The following STAG1 variants were observed in gnomAD, a reference collection of about 807,000 sequenced individuals.
The protein encoded by STAG1 is STAG1 cohesin complex component, also known as cohesin subunit SA-1.
In STAG1, 26 loss-of-function variants were observed where a neutral mutation model predicts 170.9. That is an observed-to-expected ratio of 0.15 (90% CI 0.11 to 0.21). STAG1 has a LOEUF of 0.21. Among genes scored for constraint, STAG1 ranks in the 10% least tolerant of loss-of-function variants. STAG1 has a pLI of 1.00. For synonymous variants in STAG1, 514 were observed against 497.7 expected (o/e 1.03, Z -0.44); for missense variants, 964 against 1,509.5 (o/e 0.64, Z 5.99).
chr3:136,619,512 C>T (rs1292311248), intron 3 of STAG1, among the ~76,000 whole-genome samples: 1 of 151,844 alleles, frequency 6.6e-6, no homozygotes, highest in African/African-American at 2.4e-5. Flanking sequence ...AATCCCAATA[C>T]TTTGTGAGGC....
intron 22 of STAG1, among the ~76,000 whole-genome samples, chr3:136,389,377 T>C (rs949308226): frequency 6.6e-6 from 1 of 152,156 alleles, no homozygotes; most frequent in Non-Finnish European, 1.5e-5. Context: ...TGGTGTGATC[T>C]CCGCCTCCCA....
intron 21 of STAG1, among the ~76,000 whole-genome samples, chr3:136,404,920 GAC>G (rs1183177879): frequency 6.6e-6 from 1 of 151,576 alleles, no homozygotes; most frequent in Non-Finnish European, 1.5e-5. Flanking sequence ...ACACCTATAG[GAC>G]ATGTTTAAAA....
chr3:136,675,938 T>C (rs771993698), intron 1 of STAG1, among the ~76,000 whole-genome samples: 1 of 152,226 alleles, frequency 6.6e-6, no homozygotes, highest in Non-Finnish European at 1.5e-5. Context: ...GTGCAAACAT[T>C]GTAGAATGTA....
chr3:136,348,877 T>G, intron 29 of STAG1: 2 of 412,596 alleles, frequency 4.8e-6, no homozygotes, highest in Non-Finnish European at 8.9e-6. Flanking sequence ...TTTAATGTAT[T>G]AGAGGCATAT....
At chr3:136,717,117 T>C (rs13063490) in intron 1 of STAG1, among the ~76,000 whole-genome samples, 68 of 152,378 alleles carry the variant, frequency 4.5e-4, no homozygotes, top group Middle Eastern at 6.8e-3. Context: ...AAATGCATAC[T>C]GCATAAAACC....
chr3:136,549,435 T>C (rs1054058801), intron 5 of STAG1, among the ~76,000 whole-genome samples: 10 of 151,892 alleles, frequency 6.6e-5, no homozygotes, highest in African/African-American at 2.4e-4. Flanking sequence ...CTCAGCCTCC[T>C]GAGTAGCTGG....
chr3:136,655,288 A>G (rs897387366), intron 1 of STAG1, among the ~76,000 whole-genome samples: 1 of 152,218 alleles, frequency 6.6e-6, no homozygotes, highest in African/African-American at 2.4e-5. Flanking sequence ...TCAACAACAT[A>G]AAAACAAATA....
chr3:136,748,005 G>A (rs111455207), intron 1 of STAG1, among the ~76,000 whole-genome samples: 6 of 151,602 alleles, frequency 4.0e-5, no homozygotes, highest in African/African-American at 1.2e-4. Flanking sequence ...TCGATCTCCT[G>A]ACCTCGTGAT....
chr3:136,370,756 A>G (rs1436270992), intron 23 of STAG1, among the ~76,000 whole-genome samples: 1 of 152,136 alleles, frequency 6.6e-6, no homozygotes, highest in East Asian at 1.9e-4. Flanking sequence ...AATCTGGTCT[A>G]TCATTGTTGG....
At chr3:136,568,967 G>A (rs536914641) in intron 4 of STAG1, 106 bp from the exon 5 acceptor site, 1 of 714,728 alleles carries the variant, frequency 1.4e-6, no homozygotes, top group East Asian at 2.8e-5. Flanking sequence ...ATCTGAACGA[G>A]AAAATTACTT....
intron 1 of STAG1, among the ~76,000 whole-genome samples, chr3:136,664,537 C>T (rs1474836619): frequency 6.6e-6 from 1 of 152,206 alleles, no homozygotes; most frequent in Non-Finnish European, 1.5e-5. Context: ...CTCAACCTTT[C>T]TTCCTATTAC....
chr3:136,645,408 T>C (rs111515952), intron 1 of STAG1, among the ~76,000 whole-genome samples: 10 of 152,278 alleles, frequency 6.6e-5, no homozygotes, highest in African/African-American at 1.7e-4. Flanking sequence ...GTAAGTTTCA[T>C]TGACTTCAGC....
chr3:136,448,487 G>A (rs370873571), intron 14 of STAG1, among the ~76,000 whole-genome samples: 1 of 152,156 alleles, frequency 6.6e-6, no homozygotes, highest in Non-Finnish European at 1.5e-5. Context: ...ATCAGATCTC[G>A]TGAGACTTAC....
intron 9 of STAG1, among the ~76,000 whole-genome samples, chr3:136,498,438 T>C (rs1471605618): frequency 6.7e-6 from 1 of 150,354 alleles, no homozygotes; most frequent in East Asian, 2.0e-4. Flanking sequence ...TCTATAAAAT[T>C]CTAGAAAATG....
At chr3:136,541,016 C>G (rs957409390) in intron 6 of STAG1, among the ~76,000 whole-genome samples, 2 of 151,794 alleles carry the variant, frequency 1.3e-5, no homozygotes, top group Non-Finnish European at 2.9e-5. Flanking sequence ...TAATTCTTGG[C>G]TTTCTGTTAA....
intron 2 of STAG1, among the ~76,000 whole-genome samples, chr3:136,624,302 G>A (rs933842154): frequency 3.3e-5 from 5 of 151,858 alleles, no homozygotes; most frequent in Admixed American, 6.6e-5. Context: ...GGGTTTCACC[G>A]TGTTAGCCAG....
At chr3:136,419,851 G>A (rs2087897897) in intron 20 of STAG1, among the ~76,000 whole-genome samples, 1 of 151,974 alleles carries the variant, frequency 6.6e-6, no homozygotes, top group East Asian at 1.9e-4. Flanking sequence ...GATAAAATAA[G>A]CCTAATTTGT....
chr3:136,620,530 C>T (rs1939795754), intron 3 of STAG1, among the ~76,000 whole-genome samples: 1 of 152,026 alleles, frequency 6.6e-6, no homozygotes, highest in Non-Finnish European at 1.5e-5. Flanking sequence ...CACTTTTTAA[C>T]TTCATATTCT....
rs1423697378 is a variant in STAG1 at position 136,443,406 on chromosome 3, T to A, written c.1429-2A>T. 4 of 1,597,446 alleles carry A rather than the reference T, an allele frequency of 2.5e-6. No homozygotes were observed. Among genetic ancestry groups the A allele is most frequent in the Admixed American group, 1.7e-5 (1 of 57,652 alleles). ...CAAGTAGGCTGCATGTTCATGTAACTAAAAAGAAAAAATCAAGTGTGACCA... is the reference window on the plus strand; with the variant it reads ...CAAGTAGGCTGCATGTTCATGTAACAAAAAAGAAAAAATCAAGTGTGACCA... On this transcript the variant is annotated splice_acceptor_variant, in intron 14 of 33. Transcript: ENST00000383202. LOFTEE classifies it high-confidence loss of function.
Sources: allele counts gnomAD v4.1 joint callset (sites outside exome capture counted in the v4.1 genomes callset), GRCh38; gene constraint gnomAD v4.1.1; transcripts MANE v1.5; gene names NCBI Gene and HGNC (gene_info 2026-07-23, HGNC 2026-07-21).